MBNL2: variants seen among roughly 807,000 people sequenced by gnomAD.
MBNL2 encodes muscleblind like splicing regulator 2, also known as muscleblind-like protein 2.
Under a neutral mutation model 41.9 loss-of-function variants are expected in MBNL2, and 17 were observed. That is an observed-to-expected ratio of 0.41 (90% CI 0.28 to 0.61). The LOEUF is 0.61. MBNL2 is among the 20% of genes least tolerant of loss of function. The pLI is 0.35. For synonymous variants in MBNL2, 195 were observed against 182.9 expected (o/e 1.07, Z -0.53); for missense variants, 336 against 505.6 (o/e 0.66, Z 3.22).
intron 2 of MBNL2, among the ~76,000 whole-genome samples, chr13:97,317,853 T>C (rs2059187246): frequency 6.6e-6 from 1 of 152,266 alleles, no homozygotes; most frequent in African/African-American, 2.4e-5. Context: ...AATATTATAC[T>C]TAAATATTAC....
chr13:97,253,936 G>T (rs915217722), intron 1 of MBNL2, among the ~76,000 whole-genome samples: 4 of 151,740 alleles, frequency 2.6e-5, no homozygotes, highest in African/African-American at 9.7e-5. Flanking sequence ...TCACTCTGTT[G>T]CCCAGTACAG....
intron 3 of MBNL2, among the ~76,000 whole-genome samples, chr13:97,339,157 T>G (rs1490932544): frequency 9.5e-4 from 1 of 1,048 alleles, no homozygotes; most frequent in Non-Finnish European, 2.1e-3. Flanking sequence ...TATGGGAGTG[T>G]GCTGTGAATG....
chr13:97,157,700 T>G, the MBNL2 span, among the ~76,000 whole-genome samples: 6 of 149,084 alleles, frequency 4.0e-5, 1 homozygote, highest in South Asian at 1.3e-3. Flanking sequence ...ATTACATTTA[T>G]TGATTTGCGT....
At chr13:97,359,945 T>A (rs1466446355) in intron 7 of MBNL2, among the ~76,000 whole-genome samples, 1 of 152,246 alleles carries the variant, frequency 6.6e-6, no homozygotes, top group Non-Finnish European at 1.5e-5. Flanking sequence ...AATTTTATTG[T>A]TCATTTTAGC....
At chr13:97,250,587 AG>A (rs1341396264) in intron 1 of MBNL2, among the ~76,000 whole-genome samples, 19 of 152,008 alleles carry the variant, frequency 1.2e-4, no homozygotes, top group African/African-American at 4.4e-4. Context: ...CCCTCCTTTT[AG>A]TATGCAGAAT....
chr13:97,341,179 C>T (rs923124274), intron 3 of MBNL2, among the ~76,000 whole-genome samples: 2 of 152,114 alleles, frequency 1.3e-5, no homozygotes, highest in African/African-American at 4.8e-5. Flanking sequence ...CCAAATTTGG[C>T]CATGCATCAG....
intron 2 of MBNL2, among the ~76,000 whole-genome samples, chr13:97,303,759 AAAT>A (rs1318306826): frequency 2.0e-5 from 3 of 152,188 alleles, no homozygotes; most frequent in East Asian, 1.9e-4. Flanking sequence ...ACAAATAGAA[AAAT>A]AATAATAATG....
At chr13:97,274,406 A>G (rs1341061531) in intron 1 of MBNL2, among the ~76,000 whole-genome samples, 1 of 152,184 alleles carries the variant, frequency 6.6e-6, no homozygotes, top group African/African-American at 2.4e-5. Flanking sequence ...CTGAGGCACA[A>G]GAACTGCTTG....
In MBNL2 at chr13:97,276,316, C is replaced by G; in HGVS notation, c.81C>G (p.Cys27Trp). 6.2e-7 allele frequency: 1 copy of G among 1,613,850 alleles called. No homozygotes were observed. Residue 27 changes from cysteine (C) to tryptophan (W), a missense_variant, in exon 2 of 9, where the codon TGC becomes TGG. By Grantham distance (215) the Cys-to-Trp change is radical. Transcript: ENST00000679496. ...GCAGACAGTTTCAAAGAGGAACATGCTCACGCTCTGATGAAGAATGCAAAT... is the reference window on the plus strand; with the variant it reads ...GCAGACAGTTTCAAAGAGGAACATGGTCACGCTCTGATGAAGAATGCAAAT... ...EVCRQFQRGTCSRSDEECKFA... is the reference protein window; with the variant it reads ...EVCRQFQRGTWSRSDEECKFA...
chr13:97,218,720 T>G (rs1385432310), upstream of MBNL2, among the ~76,000 whole-genome samples: 2 of 149,394 alleles, frequency 1.3e-5, no homozygotes, highest in Non-Finnish European at 3.0e-5. Flanking sequence ...TATGTAGATA[T>G]AGAAAAATAA....
intron 2 of MBNL2, among the ~76,000 whole-genome samples, chr13:97,323,939 C>CT (rs1204125975): frequency 6.6e-6 from 1 of 152,170 alleles, no homozygotes; most frequent in Non-Finnish European, 1.5e-5. Flanking sequence ...CAATTATATT[C>CT]TTTAAGTTAT....
chr13:97,254,820 C>A (rs894281187), intron 1 of MBNL2, among the ~76,000 whole-genome samples: 1 of 152,116 alleles, frequency 6.6e-6, no homozygotes, highest in Non-Finnish European at 1.5e-5. Context: ...GACTGAAACC[C>A]AATAGATGCT....
chr13:97,278,901 T>A (rs1012021960), intron 2 of MBNL2, among the ~76,000 whole-genome samples: 1 of 152,168 alleles, frequency 6.6e-6, no homozygotes. Context: ...AAATACCTGC[T>A]CAACCACTTC....
the MBNL2 span, among the ~76,000 whole-genome samples, chr13:97,189,747 A>G: frequency 1.3e-5 from 2 of 152,180 alleles, no homozygotes; most frequent in Admixed American, 6.5e-5. Context: ...CTCATCTATC[A>G]CCCTATGTAC....
chr13:97,204,365 A>T, the MBNL2 span, among the ~76,000 whole-genome samples: 1 of 152,230 alleles, frequency 6.6e-6, no homozygotes. Context: ...GTTATTAAAT[A>T]TCTTAGAAAA....
At chr13:97,302,426 C>G (rs2057720536) in intron 2 of MBNL2, among the ~76,000 whole-genome samples, 1 of 152,110 alleles carries the variant, frequency 6.6e-6, no homozygotes, top group Admixed American at 6.6e-5. Context: ...GAGGGGAAAG[C>G]CTTGGAGCTC....
At chr13:97,177,134 T>C in the MBNL2 span, among the ~76,000 whole-genome samples, 1 of 152,156 alleles carries the variant, frequency 6.6e-6, no homozygotes, top group African/African-American at 2.4e-5. Context: ...GCTCAGAAGT[T>C]TGAGACCAGC....
chr13:97,274,026 A>T (rs988353610), intron 1 of MBNL2, among the ~76,000 whole-genome samples: 2 of 152,220 alleles, frequency 1.3e-5, no homozygotes, highest in South Asian at 4.2e-4. Flanking sequence ...ACACCACTGC[A>T]CTCCAGCCTG....
chr13:97,266,243 C>T (rs943195716), intron 1 of MBNL2, among the ~76,000 whole-genome samples: 12 of 151,518 alleles, frequency 7.9e-5, no homozygotes, highest in South Asian at 4.2e-4. Context: ...CTTCATCTCA[C>T]GAAAAATAAA....
Sources: allele counts gnomAD v4.1 joint callset (sites outside exome capture counted in the v4.1 genomes callset), GRCh38; gene constraint gnomAD v4.1.1; transcripts MANE v1.5; gene names NCBI Gene and HGNC (gene_info 2026-07-23, HGNC 2026-07-21).